Variants in TUSC3 observed in about 807,000 individuals in gnomAD.
TUSC3 encodes dolichyl-diphosphooligosaccharide--protein glycosyltransferase subunit TUSC3.
TUSC3 carries 45 observed loss-of-function variants against 44.8 expected under a neutral mutation model. That is an observed-to-expected ratio of 1.00 (90% CI 0.79 to 1.29). The LOEUF is 1.29. TUSC3 is among the 50% of genes most tolerant of loss of function. The pLI, the probability that TUSC3 is intolerant of heterozygous loss-of-function variation, is 0.00. For synonymous variants in TUSC3, 212 were observed against 152.9 expected (o/e 1.39, Z -2.85); for missense variants, 519 against 437.9 (o/e 1.19, Z -1.65).
intron 2 of TUSC3, among the ~76,000 whole-genome samples, chr8:15,507,251 A>C (rs192624176): frequency 6.6e-6 from 1 of 152,200 alleles, no homozygotes; most frequent in East Asian, 1.9e-4. Context: ...ATTTAAAAAC[A>C]TGGTTTGTCC....
intron 6 of TUSC3, among the ~76,000 whole-genome samples, chr8:15,695,779 G>A (rs966429592): frequency 5.3e-5 from 8 of 152,176 alleles, no homozygotes; most frequent in African/African-American, 1.7e-4. Context: ...GAGCAAAGGC[G>A]ACTCTTGTTA....
At chr8:15,510,770 A>T (rs111878211) in intron 2 of TUSC3, among the ~76,000 whole-genome samples, 1 of 122,958 alleles carries the variant, frequency 8.1e-6, no homozygotes, top group African/African-American at 2.5e-5. Flanking sequence ...CCAAGATACT[A>T]TTTAAAAAAA....
chr8:15,846,057 A>T, the TUSC3 span, among the ~76,000 whole-genome samples: 1 of 152,124 alleles, frequency 6.6e-6, no homozygotes, highest in Non-Finnish European at 1.5e-5. Flanking sequence ...AGACTTATTC[A>T]CTATCACAAG....
intron 1 of TUSC3, among the ~76,000 whole-genome samples, chr8:15,621,721 T>C (rs1002997546): frequency 3.0e-4 from 45 of 150,844 alleles, no homozygotes; most frequent in African/African-American, 1.1e-3. Flanking sequence ...AATTTGTTTG[T>C]TTTGAGGTTA....
intron 1 of TUSC3, among the ~76,000 whole-genome samples, chr8:15,618,117 C>G (rs941881252): frequency 1.1e-4 from 17 of 152,140 alleles, no homozygotes; most frequent in Non-Finnish European, 2.2e-4. Context: ...ATGAATGGAG[C>G]TTTCAGGCCT....
chr8:15,709,671 ATGTGT>A (rs371318385), intron 6 of TUSC3, among the ~76,000 whole-genome samples: 69 of 151,996 alleles, frequency 4.5e-4, no homozygotes, highest in African/African-American at 1.6e-3. Flanking sequence ...TAGGAGCTGT[ATGTGT>A]TATCTCCTTT....
intron 5 of TUSC3, among the ~76,000 whole-genome samples, chr8:15,671,423 A>G (rs1219364677): frequency 6.6e-6 from 1 of 152,046 alleles, no homozygotes; most frequent in Non-Finnish European, 1.5e-5. Flanking sequence ...CCAAAAAAGG[A>G]TGCATCAGTT....
chr8:15,639,781 CGT>C (rs1491428164), intron 2 of TUSC3, among the ~76,000 whole-genome samples: 1 of 48,358 alleles, frequency 2.1e-5, no homozygotes, highest in Non-Finnish European at 3.3e-5. Context: ...GCATAAGAGT[CGT>C]TTTTTTTTTT....
intron 1 of TUSC3, among the ~76,000 whole-genome samples, chr8:15,456,132 C>G (rs1563255485): frequency 6.6e-6 from 1 of 152,190 alleles, no homozygotes; most frequent in Non-Finnish European, 1.5e-5. Flanking sequence ...CCTAGCCATC[C>G]TCACTCCTTT....
intron 6 of TUSC3, among the ~76,000 whole-genome samples, chr8:15,690,461 G>T (rs1000120128): frequency 1.3e-5 from 2 of 151,778 alleles, no homozygotes; most frequent in East Asian, 3.9e-4. Flanking sequence ...GTCTGTTTAT[G>T]CTGTTGATAA....
intron 1 of TUSC3, among the ~76,000 whole-genome samples, chr8:15,566,642 C>A (rs895616633): frequency 6.6e-6 from 1 of 150,702 alleles, no homozygotes; most frequent in Non-Finnish European, 1.5e-5. Context: ...TTTTTTGAGA[C>A]AGGGTCTTGC....
At chr8:15,481,112 G>C (rs930807887) in intron 1 of TUSC3, among the ~76,000 whole-genome samples, 1 of 152,016 alleles carries the variant, frequency 6.6e-6, no homozygotes, top group Non-Finnish European at 1.5e-5. Context: ...TCCCAGTGTG[G>C]TGGTGCATGA....
chr8:15,443,000 T>A (rs1007601278), intron 1 of TUSC3, among the ~76,000 whole-genome samples: 1 of 152,170 alleles, frequency 6.6e-6, no homozygotes, highest in Non-Finnish European at 1.5e-5. Flanking sequence ...GTTTCCCTTT[T>A]ATAATTTTCT....
chr8:15,559,804 T>C lies in TUSC3; in HGVS notation c.138+19236T>C, dbSNP rs1208490749. 1.6e-4 allele frequency among the ~76,000 whole-genome samples: 16 copies of C among 101,106 alleles called. No homozygotes were observed. In the East Asian group the frequency reaches 5.0e-3, roughly 32 times the overall value. The allele number at this position is 101,106 out of a possible 152,430, so 66.3% of individuals were successfully genotyped here. ...ATCTTTGTTGGTTTAAAGTCTGTTT[T>C]ATCAGAGACTAGGATTGCAACCCCT... is the stretch of plus-strand genomic sequence containing the variant. On this transcript the variant is annotated intron_variant, in intron 1 of 10. Transcript: ENST00000503731.
At chr8:15,663,125 A>G (rs1807499480) in intron 5 of TUSC3, among the ~76,000 whole-genome samples, 1 of 151,944 alleles carries the variant, frequency 6.6e-6, no homozygotes, top group Non-Finnish European at 1.5e-5. Flanking sequence ...ATAATTGAAA[A>G]TAAAATCTCT....
chr8:15,677,045 G>T (rs1482486558), intron 6 of TUSC3, among the ~76,000 whole-genome samples: 1 of 152,068 alleles, frequency 6.6e-6, no homozygotes, highest in Non-Finnish European at 1.5e-5. Context: ...ATTTTATAGA[G>T]TTAGGGTCTC....
intron 1 of TUSC3, among the ~76,000 whole-genome samples, chr8:15,466,148 A>G (rs1489291208): frequency 2.0e-5 from 3 of 152,120 alleles, no homozygotes; most frequent in Non-Finnish European, 4.4e-5. Flanking sequence ...CCTCACTATT[A>G]TTTTGAAACA....
chr8:15,622,481 T>A (rs1458823494), intron 1 of TUSC3, among the ~76,000 whole-genome samples: 1 of 151,970 alleles, frequency 6.6e-6, no homozygotes, highest in African/African-American at 2.4e-5. Flanking sequence ...CTCCCAAACC[T>A]CCCTAGGAAC....
intron 1 of TUSC3, among the ~76,000 whole-genome samples, chr8:15,546,661 G>A (rs777700392): frequency 1.3e-4 from 20 of 151,378 alleles, no homozygotes; most frequent in African/African-American, 2.9e-4. Flanking sequence ...TCAGCCTCCC[G>A]AGTAGCTGGG....
Sources: allele counts gnomAD v4.1 joint callset (sites outside exome capture counted in the v4.1 genomes callset), GRCh38; gene constraint gnomAD v4.1.1; transcripts MANE v1.5; gene names NCBI Gene and HGNC (gene_info 2026-07-23, HGNC 2026-07-21).